The following TGM6 variants were observed in gnomAD, a reference collection of about 807,000 sequenced individuals.
TGM6 encodes the protein protein-glutamine gamma-glutamyltransferase 6.
TGM6 carries 74 observed loss-of-function variants against 77.5 expected under a neutral mutation model. The ratio of observed to expected loss-of-function variants is 0.96; its 90% CI spans 0.79 to 1.16. The LOEUF (loss-of-function observed/expected upper bound fraction) is 1.16. TGM6 is among the 50% of genes most tolerant of loss of function. The pLI is 0.00. For missense variants in TGM6, 968 were observed against 940.2 expected (o/e 1.03, Z -0.39); for synonymous variants, 383 against 378.9 (o/e 1.01, Z -0.12).
chr20:2,386,187 C>T (rs1010435875), intron 1 of TGM6, among the ~76,000 whole-genome samples: 33 of 152,260 alleles, frequency 2.2e-4, no homozygotes, highest in African/African-American at 7.2e-4. Flanking sequence ...TAGGACAGAA[C>T]GTATCTGAAA....
At chr20:2,391,506 G>C (rs575914021) in intron 1 of TGM6, among the ~76,000 whole-genome samples, 26 of 152,074 alleles carry the variant, frequency 1.7e-4, no homozygotes, top group African/African-American at 6.0e-4. Flanking sequence ...GTGAGGGGGT[G>C]GGGGGTGAGC....
At chr20:2,421,145 C>A (rs1268704588) in intron 10 of TGM6, among the ~76,000 whole-genome samples, 3 of 152,112 alleles carry the variant, frequency 2.0e-5, no homozygotes, top group Non-Finnish European at 4.4e-5. Flanking sequence ...CACGACTACA[C>A]CTAGTTAATT....
Position 2,417,705 on chromosome 20 carries a change from C to T in TGM6, c.1678+132C>T, listed in dbSNP as rs534665179. 1.0e-5 allele frequency: 11 copies of T among 1,061,882 alleles called. No homozygotes were observed. In the African/African-American group the frequency reaches 1.4e-4, roughly 14 times the overall value. 65.8% of individuals were successfully genotyped at this position (1,061,882 alleles called of 1,614,324 possible). ...AGGGGACATTCCTGAGCATTGTGCT[C>T]AGTGCCTTGCCTCTTGTCCCGACTT... is the stretch of plus-strand genomic sequence containing the variant. On this transcript the variant is annotated intron_variant, in intron 10 of 12. Coordinates refer to ENST00000202625, the MANE Select transcript of TGM6 (RefSeq NM_198994.3).
intron 10 of TGM6, among the ~76,000 whole-genome samples, chr20:2,419,387 T>G (rs2084841358): frequency 6.6e-6 from 1 of 152,222 alleles, no homozygotes; most frequent in African/African-American, 2.4e-5. Flanking sequence ...GGTGTCACAC[T>G]TTTTTAGCTT....
intron 12 of TGM6, among the ~76,000 whole-genome samples, chr20:2,431,826 AC>A (rs1247236652): frequency 2.0e-5 from 3 of 152,190 alleles, no homozygotes; most frequent in Admixed American, 6.5e-5. Context: ...TGGTGTCAAC[AC>A]CTGATGGCTG....
chr20:2,398,435 T>C (rs1159841296), intron 5 of TGM6, among the ~76,000 whole-genome samples: 1 of 152,082 alleles, frequency 6.6e-6, no homozygotes, highest in Non-Finnish European at 1.5e-5. Flanking sequence ...CACCCTCATG[T>C]CAGGTTCTGG....
chr20:2,420,181 C>T (rs761401151), intron 10 of TGM6, among the ~76,000 whole-genome samples: 18 of 152,024 alleles, frequency 1.2e-4, no homozygotes, highest in Non-Finnish European at 2.1e-4. Flanking sequence ...GGAGGCAGAG[C>T]TTGCAGTGAG....
At chr20:2,408,524 T>C (rs1451057261) in intron 9 of TGM6, among the ~76,000 whole-genome samples, 2 of 152,224 alleles carry the variant, frequency 1.3e-5, no homozygotes, top group Non-Finnish European at 2.9e-5. Context: ...GTTTTGTTCA[T>C]TGCCGTATCC....
At position 2,406,831 on chromosome 20, in the gene TGM6, C is replaced by CAAAAAAAAAAAAAAA. The variant is rs3050731; in HGVS notation, c.1336+3029_1336+3043dup. Reference sequence around the variant, plus strand: ...CCTCAGCAACAAGTGCGAAACTCCTCAAAAAAAAAAAAAAAAAAAAAAAAA... The same window carrying CAAAAAAAAAAAAAAA: ...CCTCAGCAACAAGTGCGAAACTCCTCAAAAAAAAAAAAAAAAAAAAAAAAAAAAAAAAAAAAAAAA... On this transcript the variant is annotated intron_variant, in intron 9 of 12. Transcript: ENST00000202625. 1.3e-3 allele frequency among the ~76,000 whole-genome samples: 82 copies of CAAAAAAAAAAAAAAA among 63,690 alleles called. 7 individuals are homozygous for CAAAAAAAAAAAAAAA. The highest frequency in any genetic ancestry group is 2.4e-3 in the Admixed American group (8 of 3,372). 41.8% of individuals were successfully genotyped at this position (63,690 alleles called of 152,430 possible). A position where few individuals can be genotyped will look rare whatever the true frequency, so the allele number is the denominator to read the frequency against.
intron 9 of TGM6, among the ~76,000 whole-genome samples, chr20:2,409,715 A>C (rs1334472323): frequency 1.3e-5 from 2 of 152,038 alleles, no homozygotes; most frequent in Non-Finnish European, 2.9e-5. Flanking sequence ...GTCTCAAAAA[A>C]AAAAAAAGAA....
chr20:2,381,008 C>T (rs2084550805), intron 1 of TGM6, 33 bp downstream of exon 1: 1 of 1,607,184 alleles, frequency 6.2e-7, no homozygotes, highest in Non-Finnish European at 8.5e-7. Context: ...CTTGGGACAC[C>T]AGGGCTCATG....
At chr20:2,416,964 A>G (rs1375253840) in intron 9 of TGM6, among the ~76,000 whole-genome samples, 1 of 152,200 alleles carries the variant, frequency 6.6e-6, no homozygotes, top group Non-Finnish European at 1.5e-5. Context: ...ACCAAGTGCT[A>G]TAGTACACAT....
intron 1 of TGM6, among the ~76,000 whole-genome samples, chr20:2,381,370 G>A (rs1184381905): frequency 2.0e-5 from 3 of 152,160 alleles, no homozygotes; most frequent in African/African-American, 7.2e-5. Flanking sequence ...GGGAAGGAGT[G>A]AGAGGCCCCC....
intron 10 of TGM6, among the ~76,000 whole-genome samples, chr20:2,420,775 C>A (rs1172434436): frequency 6.6e-6 from 1 of 152,138 alleles, no homozygotes. Flanking sequence ...GCTTCTTTCA[C>A]TTAGCAATAT....
At chr20:2,397,742 G>C (rs1268182257) in intron 4 of TGM6, among the ~76,000 whole-genome samples, 176 bp from the exon 5 acceptor site, 1 of 152,140 alleles carries the variant, frequency 6.6e-6, no homozygotes, top group Non-Finnish European at 1.5e-5. Context: ...TTCCCCAGGT[G>C]ACTCTTTGAG....
chr20:2,381,018 G>T (rs1221129285), intron 1 of TGM6, 43 bp downstream of exon 1: 1 of 1,606,114 alleles, frequency 6.2e-7, no homozygotes, highest in East Asian at 2.2e-5. Flanking sequence ...CAGGGCTCAT[G>T]AGGGGGGCTT....
chr20:2,405,449 G>T (rs1185426757), intron 9 of TGM6, among the ~76,000 whole-genome samples: 3 of 152,194 alleles, frequency 2.0e-5, no homozygotes, highest in Non-Finnish European at 2.9e-5. Flanking sequence ...CTCCCAGGTG[G>T]TCTCTAGTGT....
At chr20:2,426,444 A>G (rs1336853897) in intron 10 of TGM6, among the ~76,000 whole-genome samples, 3 of 152,330 alleles carry the variant, frequency 2.0e-5, no homozygotes, top group African/African-American at 7.2e-5. Context: ...TACATAAACA[A>G]TTATATCATT....
rs565952513 is a variant in TGM6, at chr20:2,408,298, A to G, written c.1336+4475A>G. On this transcript the variant is annotated intron_variant, in intron 9 of 12. Transcript: ENST00000202625. The stretch of plus-strand genomic sequence containing the variant: ...CAAAGATTCAGAGCCCCTGGGTACA[A>G]CATGCTCTTTTATACCTAAAGGACT... Among the ~76,000 whole-genome samples the G allele has an allele frequency of 9.8e-5, 15 of 152,286 alleles. No individual in the cohort carries two copies. In the South Asian group the frequency reaches 2.9e-3, roughly 29 times the overall value.
Sources: gnomAD v4.1 joint callset for allele counts (sites outside exome capture counted in the v4.1 genomes callset) on GRCh38, gnomAD v4.1.1 for gene constraint, MANE v1.5 for transcripts, NCBI Gene and HGNC (gene_info 2026-07-23, HGNC 2026-07-21) for gene names.